Variants in SLC25A21 observed in about 807,000 individuals in gnomAD.
The protein encoded by SLC25A21 is solute carrier family 25 member 21.
In SLC25A21, 47 loss-of-function variants were observed where a neutral mutation model predicts 43.8. That is an observed-to-expected ratio of 1.07 (90% CI 0.85 to 1.37). The LOEUF (loss-of-function observed/expected upper bound fraction) is 1.37. SLC25A21 is among the 40% of genes most tolerant of loss of function. The pLI is 0.00. For missense variants in SLC25A21, 352 were observed against 350.2 expected, an observed-to-expected ratio of 1.00 and a Z score of -0.04; for synonymous variants, 131 against 121.3, an observed-to-expected ratio of 1.08 and a Z score of -0.52.
At chr14:36,864,149 G>A (rs1179966) in intron 2 of SLC25A21, among the ~76,000 whole-genome samples, 55,094 of 152,032 alleles carry the variant, frequency 0.36, 10,605 homozygotes, top group East Asian at 0.46. Flanking sequence ...TTTTCTCTTC[G>A]TTTTAGGGTC....
chr14:36,781,429 T>G (rs1887057376), intron 3 of SLC25A21, among the ~76,000 whole-genome samples: 1 of 152,310 alleles, frequency 6.6e-6, no homozygotes, highest in African/African-American at 2.4e-5. Context: ...TCTTCCTTTG[T>G]GATTTGATTA....
At chr14:36,744,944 T>C (rs962719899) in intron 3 of SLC25A21, among the ~76,000 whole-genome samples, 4 of 152,120 alleles carry the variant, frequency 2.6e-5, no homozygotes, top group African/African-American at 9.7e-5. Flanking sequence ...TGTGCCATGT[T>C]GGTTTGCTGC....
chr14:36,747,149 A>G (rs1160547), intron 3 of SLC25A21, among the ~76,000 whole-genome samples: 78,611 of 152,040 alleles, frequency 0.52, 20,823 homozygotes, highest in African/African-American at 0.62. Context: ...TATTAGTCAC[A>G]TGATTACCAT....
chr14:36,710,397 G>GA (rs537326805), intron 7 of SLC25A21, among the ~76,000 whole-genome samples: 7 of 147,178 alleles, frequency 4.8e-5, no homozygotes, highest in South Asian at 2.2e-4. Flanking sequence ...GAAAAGAAAA[G>GA]AAAAAAAAGG....
chr14:36,719,440 T>C (rs1203973595), intron 6 of SLC25A21, among the ~76,000 whole-genome samples: 4 of 152,140 alleles, frequency 2.6e-5, no homozygotes. Context: ...GGGGGGAAAT[T>C]TGGGTCTATC....
intron 1 of SLC25A21, among the ~76,000 whole-genome samples, chr14:36,953,245 T>G (rs79724163): frequency 0.061 from 9,291 of 152,316 alleles, 406 homozygotes; most frequent in Middle Eastern, 0.15. Context: ...AAGATATTTT[T>G]GGGCTGCTTT....
At chr14:36,700,594 CT>C (rs781279900) in intron 7 of SLC25A21, among the ~76,000 whole-genome samples, 17 of 152,120 alleles carry the variant, frequency 1.1e-4, no homozygotes, top group Non-Finnish European at 2.1e-4. Context: ...GTCAGATTGC[CT>C]AGGGTCAGGC....
intron 3 of SLC25A21, among the ~76,000 whole-genome samples, chr14:36,752,726 C>G (rs1465713991): frequency 6.6e-6 from 1 of 152,104 alleles, no homozygotes; most frequent in Non-Finnish European, 1.5e-5. Context: ...GTGGGAGGGG[C>G]CTGGTGGGAA....
chr14:37,000,398 A>C (rs891301336), intron 1 of SLC25A21, among the ~76,000 whole-genome samples: 1 of 152,102 alleles, frequency 6.6e-6, no homozygotes, highest in Admixed American at 6.6e-5. Flanking sequence ...ATCACCCACC[A>C]TGCTCAAAAC....
intron 2 of SLC25A21, among the ~76,000 whole-genome samples, chr14:36,821,772 G>A (rs1364029196): frequency 3.3e-5 from 5 of 152,138 alleles, no homozygotes; most frequent in East Asian, 1.9e-4. Flanking sequence ...AGCAGAGATC[G>A]TGCCACTGCA....
intron 1 of SLC25A21, among the ~76,000 whole-genome samples, chr14:36,892,425 A>G (rs1353348084): frequency 2.0e-5 from 3 of 152,196 alleles, no homozygotes; most frequent in Admixed American, 6.5e-5. Context: ...GTATATATAA[A>G]CAATGAAATG....
chr14:36,697,273 G>T (rs1341539593), intron 7 of SLC25A21, among the ~76,000 whole-genome samples: 2 of 152,188 alleles, frequency 1.3e-5, no homozygotes, highest in Non-Finnish European at 2.9e-5. Flanking sequence ...TGGTCTGAGA[G>T]ACAGTTTGTT....
At chr14:36,687,216 G>A (rs1882594417) in intron 7 of SLC25A21, among the ~76,000 whole-genome samples, 4 of 152,164 alleles carry the variant, frequency 2.6e-5, no homozygotes, top group Admixed American at 2.6e-4. Flanking sequence ...GCCTCCCAAA[G>A]TGTTGGGATT....
intron 3 of SLC25A21, among the ~76,000 whole-genome samples, chr14:36,749,641 G>C (rs115843185): frequency 6.6e-6 from 1 of 152,044 alleles, no homozygotes; most frequent in African/African-American, 2.4e-5. Flanking sequence ...TCGTGCTCTG[G>C]TCTGGGATCC....
intron 1 of SLC25A21, among the ~76,000 whole-genome samples, chr14:36,954,873 C>T (rs1383046006): frequency 6.6e-6 from 1 of 152,144 alleles, no homozygotes; most frequent in African/African-American, 2.4e-5. Context: ...TTCTAGGCAT[C>T]CTTTAAGGCC....
chr14:36,982,100 T>C (rs1960038358), intron 1 of SLC25A21, among the ~76,000 whole-genome samples: 1 of 151,430 alleles, frequency 6.6e-6, no homozygotes, highest in South Asian at 2.1e-4. Context: ...ATGGAGAGTA[T>C]CTATTACTGT....
intron 1 of SLC25A21, among the ~76,000 whole-genome samples, chr14:37,170,725 G>T (rs1389764549): frequency 6.6e-6 from 1 of 151,472 alleles, no homozygotes; most frequent in Non-Finnish European, 1.5e-5. Flanking sequence ...CCAGGCGTTG[G>T]AGACCAGCCT....
chr14:36,697,307 G>A (rs1883071263), intron 7 of SLC25A21, among the ~76,000 whole-genome samples: 1 of 152,196 alleles, frequency 6.6e-6, no homozygotes. Flanking sequence ...CTTTACATTT[G>A]CTGAGGAGTG....
intron 1 of SLC25A21, among the ~76,000 whole-genome samples, chr14:36,989,722 G>A (rs772762286): frequency 1.4e-4 from 21 of 151,992 alleles, no homozygotes; most frequent in Non-Finnish European, 2.5e-4. Flanking sequence ...CCCTGGGTTC[G>A]CAGCTGACAA....
Sources: gnomAD v4.1 joint callset for allele counts (sites outside exome capture counted in the v4.1 genomes callset) on GRCh38, gnomAD v4.1.1 for gene constraint, MANE v1.5 for transcripts, NCBI Gene and HGNC (gene_info 2026-07-23, HGNC 2026-07-21) for gene names.